Variants in NKIRAS1 observed in about 807,000 individuals in gnomAD.
The protein encoded by NKIRAS1 is NFKB inhibitor interacting Ras like 1.
In NKIRAS1, 16 loss-of-function variants were observed where a neutral mutation model predicts 19.8. The observed-to-expected ratio is 0.81, with a 90% confidence interval of 0.55 to 1.23. NKIRAS1 has a LOEUF of 1.23. NKIRAS1 is among the 50% of genes most tolerant of loss of function. NKIRAS1 has a pLI of 0.00. For synonymous variants in NKIRAS1, 88 were observed against 79.0 expected, an observed-to-expected ratio of 1.11 and a Z score of -0.61; for missense variants, 184 against 220.0, an observed-to-expected ratio of 0.84 and a Z score of 1.04.
intron 3 of NKIRAS1, among the ~76,000 whole-genome samples, chr3:23,908,341 T>A (rs1323914427): frequency 6.6e-6 from 1 of 152,208 alleles, no homozygotes; most frequent in Non-Finnish European, 1.5e-5. Context: ...ACTTGTTAAG[T>A]TTTAGTGAAA....
Position 23,892,182 on chromosome 3 carries a change from T to C in NKIRAS1, c.*913A>G, listed in dbSNP as rs770957750. 8.5e-5 allele frequency: 13 copies of C among 152,198 alleles called. No individual in the cohort carries two copies. Among genetic ancestry groups the C allele is most frequent in the Non-Finnish European group, 1.5e-4 (10 of 68,028 alleles). The allele number at this position is 152,198 out of a possible 1,614,324, so 9.4% of individuals were successfully genotyped here. On this transcript the variant is annotated 3_prime_UTR_variant, in exon 5 of 5. Coordinates refer to ENST00000425478, the MANE Select transcript of NKIRAS1 (RefSeq NM_020345.4). ...ACTAAGTAGCTTACTTCCTACCTTT[T>C]AAATTAATAAAGTTACAGTCAGCCA... is the stretch of plus-strand genomic sequence containing the variant.
upstream of NKIRAS1, chr3:23,919,716 T>C (rs1299570382): frequency 7.3e-7 from 1 of 1,368,834 alleles, no homozygotes; most frequent in East Asian, 2.7e-5. Flanking sequence ...CTTTATCTTA[T>C]TAGGGAGTTG....
chr3:23,912,515 G>T (rs1703862370), intron 1 of NKIRAS1, among the ~76,000 whole-genome samples: 1 of 152,104 alleles, frequency 6.6e-6, no homozygotes, highest in Non-Finnish European at 1.5e-5. Context: ...CAATTAGAAT[G>T]GTTATCATTA....
At chr3:23,908,538 GA>G (rs1445210657) in intron 3 of NKIRAS1, among the ~76,000 whole-genome samples, 3 of 152,062 alleles carry the variant, frequency 2.0e-5, no homozygotes, top group Non-Finnish European at 4.4e-5. Context: ...CTGGACATCA[GA>G]AAAGATTTTC....
chr3:23,939,593 T>A (rs762383608), intron 1 of NKIRAS1, among the ~76,000 whole-genome samples: 17 of 152,056 alleles, frequency 1.1e-4, no homozygotes, highest in Admixed American at 2.0e-4. Flanking sequence ...ATACAAAAAT[T>A]AGCTGGGCAT....
At position 23,895,792 on chromosome 3, in the gene NKIRAS1, C is replaced by A. The variant is rs76963788; in HGVS notation, c.337-2455G>T. On this transcript the variant is annotated intron_variant, in intron 4 of 4. Transcript: ENST00000425478. The stretch of plus-strand genomic sequence containing the variant: ...GTTCCAGTATCTCCTCTTCCTTCCC[C>A]ACTTTCCTTTCACCTGATGACCATA... Among the ~76,000 whole-genome samples, 908 of 152,248 alleles carry A rather than the reference C, an allele frequency of 6.0e-3. 9 individuals carry two copies. The highest frequency in any genetic ancestry group is 0.021 in the African/African-American group (852 of 41,550).
chr3:23,921,573 T>G (rs7616185), upstream of NKIRAS1: 146,485 of 419,878 alleles, frequency 0.35, 13,804 homozygotes, highest in African/African-American at 0.46. Flanking sequence ...TTATTGAGTT[T>G]TTTTTTTTTT....
chr3:23,930,761 G>A (rs1705300840), intron 1 of NKIRAS1, among the ~76,000 whole-genome samples: 1 of 152,104 alleles, frequency 6.6e-6, no homozygotes. Context: ...ATTGTGCAGT[G>A]ACACAATCAT....
At chr3:23,930,849 C>T (rs1370557523) in intron 1 of NKIRAS1, among the ~76,000 whole-genome samples, 1 of 150,998 alleles carries the variant, frequency 6.6e-6, no homozygotes, top group Non-Finnish European at 1.5e-5. Context: ...ACTATAGGTG[C>T]ATGCCACCAT....
upstream of NKIRAS1, chr3:23,919,810 A>AT: frequency 9.4e-7 from 1 of 1,061,210 alleles, no homozygotes. Flanking sequence ...AGCCCTGTAG[A>AT]TTTGTCTGGT....
At chr3:23,935,704 AG>A (rs1384092549) in intron 1 of NKIRAS1, among the ~76,000 whole-genome samples, 1 of 152,168 alleles carries the variant, frequency 6.6e-6, no homozygotes, top group Non-Finnish European at 1.5e-5. Context: ...CTGGGATTAC[AG>A]GTGTGAGCCA....
At chr3:23,894,628 C>A (rs1344391705) in intron 4 of NKIRAS1, among the ~76,000 whole-genome samples, 2 of 151,898 alleles carry the variant, frequency 1.3e-5, no homozygotes, top group Non-Finnish European at 2.9e-5. Flanking sequence ...GCATCCTCCA[C>A]CTCTGCGTCC....
At chr3:23,916,449 G>A (rs1051724917) in intron 1 of NKIRAS1, 1 of 152,232 alleles carries the variant, frequency 6.6e-6, no homozygotes, top group Admixed American at 6.5e-5. Flanking sequence ...GCAAATTTGG[G>A]ACGAAATCCG....
At chr3:23,918,002 C>T, upstream of NKIRAS1, 2 of 1,610,448 alleles carry the variant, frequency 1.2e-6, no homozygotes, top group South Asian at 1.1e-5. Flanking sequence ...CCTGATAAAG[C>T]GCGCCGACTG....
At chr3:23,918,988 GATGTGTTTCAGTCT>G, upstream of NKIRAS1, 1 of 592,456 alleles carries the variant, frequency 1.7e-6, no homozygotes, top group Non-Finnish European at 3.0e-6. Context: ...AAGAGGGAAT[GATGTGTTTCAGTCT>G]ATGTGTGTTG....
intron 3 of NKIRAS1, among the ~76,000 whole-genome samples, chr3:23,909,507 A>G (rs1442139450): frequency 6.6e-6 from 1 of 152,210 alleles, no homozygotes; most frequent in Non-Finnish European, 1.5e-5. Context: ...AGCCTGGGAG[A>G]CAGGGTGAGA....
intron 1 of NKIRAS1, among the ~76,000 whole-genome samples, chr3:23,911,765 C>CT (rs535208116): frequency 0.22 from 30,698 of 138,072 alleles, 3,273 homozygotes; most frequent in Non-Finnish European, 0.24. Context: ...GTCACGTGGG[C>CT]TTTTTTTTTT....
chr3:23,920,072 T>G (rs1704988020), upstream of NKIRAS1: 1 of 985,616 alleles, frequency 1.0e-6, no homozygotes, highest in South Asian at 4.7e-5. Flanking sequence ...TAAACACTGG[T>G]GTGTTTTGAA....
At chr3:23,920,111 T>C, upstream of NKIRAS1, 1 of 985,856 alleles carries the variant, frequency 1.0e-6, no homozygotes, top group Non-Finnish European at 1.2e-6. Flanking sequence ...TTATTAGCCT[T>C]AAGATTGGTA....
Sources: allele counts gnomAD v4.1 joint callset (sites outside exome capture counted in the v4.1 genomes callset), GRCh38; gene constraint gnomAD v4.1.1; transcripts MANE v1.5; gene names NCBI Gene and HGNC (gene_info 2026-07-23, HGNC 2026-07-21).